The following MAP4 variants were observed in gnomAD, a reference collection of about 807,000 sequenced individuals.
MAP4 encodes the protein microtubule associated protein 4, also known as microtubule-associated protein 4.
Under a neutral mutation model 170.2 loss-of-function variants are expected in MAP4, and 76 were observed. The observed-to-expected ratio is 0.45, with a 90% confidence interval of 0.37 to 0.54. MAP4 has a LOEUF of 0.54. Ranked by LOEUF, MAP4 falls within the 20% of genes least tolerant of loss-of-function variation. The pLI is 0.00. For synonymous variants in MAP4, 909 were observed against 994.5 expected (o/e 0.91, Z 1.62); for missense variants, 2,506 against 2,748.0 (o/e 0.91, Z 1.97).
chr3:48,086,395 T>A (rs937504458), intron 1 of MAP4, among the ~76,000 whole-genome samples: 17 of 152,136 alleles, frequency 1.1e-4, no homozygotes, highest in African/African-American at 4.1e-4. Context: ...CCAGGGCACT[T>A]TGGGAGGCCA....
chr3:48,072,264 T>C (rs761600392), intron 1 of MAP4, among the ~76,000 whole-genome samples: 3 of 152,024 alleles, frequency 2.0e-5, no homozygotes, highest in Non-Finnish European at 4.4e-5. Flanking sequence ...TCCCAGCACT[T>C]TGGGAGGCCG....
At chr3:48,066,737 A>C (rs2100138395) in intron 1 of MAP4, among the ~76,000 whole-genome samples, 1 of 150,704 alleles carries the variant, frequency 6.6e-6, no homozygotes, top group South Asian at 2.1e-4. Flanking sequence ...TCTGAGAACC[A>C]ATCTCCCATG....
chr3:47,978,828 C>T (rs1429643010), intron 2 of MAP4, among the ~76,000 whole-genome samples: 2 of 147,220 alleles, frequency 1.4e-5, no homozygotes, highest in African/African-American at 2.5e-5. Flanking sequence ...ATGTGTTTCT[C>T]TGCCATCCCT....
intron 1 of MAP4, among the ~76,000 whole-genome samples, chr3:48,023,842 T>C (rs143200987): frequency 6.6e-6 from 1 of 152,134 alleles, no homozygotes; most frequent in African/African-American, 2.4e-5. Context: ...ACAAATATAC[T>C]CATCTGGGGA....
At chr3:47,989,444 T>C (rs987737744) in intron 2 of MAP4, among the ~76,000 whole-genome samples, 4 of 152,200 alleles carry the variant, frequency 2.6e-5, no homozygotes, top group African/African-American at 9.7e-5. Flanking sequence ...TAATTGTTAT[T>C]CTCACTGTTA....
chr3:47,871,163 CT>C, intron 14 of MAP4, 58 bp from the exon 15 acceptor site: 1 of 1,612,334 alleles, frequency 6.2e-7, no homozygotes, highest in Non-Finnish European at 8.5e-7. Flanking sequence ...AAAAGGGAGA[CT>C]TAAGCCACAG....
chr3:48,021,626 G>C (rs972318544), intron 1 of MAP4, among the ~76,000 whole-genome samples: 1 of 152,152 alleles, frequency 6.6e-6, no homozygotes, highest in Non-Finnish European at 1.5e-5. Flanking sequence ...GATTACAGGC[G>C]TGAGACACCA....
chr3:47,861,161 G>A (rs971913613), intron 17 of MAP4, among the ~76,000 whole-genome samples: 5 of 152,140 alleles, frequency 3.3e-5, no homozygotes, highest in African/African-American at 1.2e-4. Context: ...AGGAGTTCAA[G>A]ACCAGCCTGA....
Position 47,852,441 on chromosome 3 carries a change from G to A in MAP4, c.*493C>T, listed in dbSNP as rs183545574. On this transcript the variant is annotated 3_prime_UTR_variant, in exon 21 of 21. Transcript: ENST00000683076. The stretch of plus-strand genomic sequence containing the variant: ...CAGTGGCTTAAGCTCCACGGTCAGC[G>A]TCCTGTCACCACTCGGAATCCACCT... 4.0e-3 allele frequency: 1,016 copies of A among 254,714 alleles called. 2 individuals carry two copies. The highest frequency in any genetic ancestry group is 5.6e-3 in the Non-Finnish European group (747 of 132,824). 15.8% of individuals were successfully genotyped at this position (254,714 alleles called of 1,614,324 possible).
In MAP4 at chr3:47,867,349, A is replaced by G. The variant is rs770699205; in HGVS notation, c.6409-11T>C. The G allele has an allele frequency of 1.3e-6, 2 of 1,580,416 alleles. No homozygotes were observed. Among genetic ancestry groups the G allele is most frequent in the African/African-American group, 1.3e-5 (1 of 74,292 alleles). On this transcript the variant is annotated splice_polypyrimidine_tract_variant and intron_variant, in intron 16 of 20. Transcript: ENST00000683076. ...GGAGACTATCTGGACCTGGAGTGTT[A>G]GAAAATAGAAAAAACAACACAAAGG...
In MAP4 at chr3:47,998,869, A is replaced by AC. The variant is rs762970425; in HGVS notation, c.-10dup. Reference sequence around the variant, plus strand: ...AGACTGAGGTCAGCCATTCTGCACCACTGCAACTGCCTGGTGAAGAGGAAA... The same window carrying AC: ...AGACTGAGGTCAGCCATTCTGCACCACCTGCAACTGCCTGGTGAAGAGGAAA... On this transcript the variant is annotated 5_prime_UTR_variant, in exon 2 of 21. Transcript: ENST00000683076. The AC allele has an allele frequency of 6.3e-7, 1 of 1,588,716 alleles. No individual in the cohort carries two copies. Among genetic ancestry groups the AC allele is most frequent in the South Asian group, 1.1e-5 (1 of 90,506 alleles).
At chr3:48,075,583 T>C (rs531394980) in intron 1 of MAP4, among the ~76,000 whole-genome samples, 2 of 151,800 alleles carry the variant, frequency 1.3e-5, no homozygotes, top group South Asian at 2.1e-4. Flanking sequence ...ACTCAAAACA[T>C]GGATGCTAAG....
upstream of MAP4, among the ~76,000 whole-genome samples, chr3:48,018,802 C>CA (rs1213956273): frequency 2.6e-5 from 4 of 151,626 alleles, no homozygotes; most frequent in African/African-American, 9.7e-5. Context: ...GACTCTGTCT[C>CA]AAAAAAATAA....
intron 6 of MAP4, 73 bp downstream of exon 6, chr3:47,918,646 A>T: frequency 8.1e-7 from 1 of 1,233,620 alleles, no homozygotes; most frequent in South Asian, 1.3e-5. Flanking sequence ...CTGCTAAAAA[A>T]TACACCTGAT....
chr3:47,862,756 T>C (rs373970705), intron 17 of MAP4, among the ~76,000 whole-genome samples: 6 of 152,148 alleles, frequency 3.9e-5, no homozygotes, highest in Admixed American at 3.9e-4. Context: ...GGATTACAGG[T>C]GTGAGCCACC....
chr3:48,048,864 T>C (rs1394860357), intron 1 of MAP4, among the ~76,000 whole-genome samples: 1 of 152,166 alleles, frequency 6.6e-6, no homozygotes, highest in East Asian at 1.9e-4. Flanking sequence ...TAGATTTTTA[T>C]AACCACAACT....
rs897619070 is a variant in MAP4 at position 47,866,599 on chromosome 3, C to T, written c.6501+647G>A. Among the ~76,000 whole-genome samples, 5 of 151,600 alleles carry T rather than the reference C, an allele frequency of 3.3e-5. No individual in the cohort carries two copies. The East Asian group carries it at 9.8e-4, about 30-fold the overall frequency. Reference sequence around the variant, plus strand: ...TGAAATCCCGTCTCTACTAAAAATACAAAAATTAGCCGGGCATGGTGGCGA... The same window carrying T: ...TGAAATCCCGTCTCTACTAAAAATATAAAAATTAGCCGGGCATGGTGGCGA... On this transcript the variant is annotated intron_variant, in intron 17 of 20. Transcript: ENST00000683076.
chr3:47,926,624 T>C (rs1304587911), intron 4 of MAP4, among the ~76,000 whole-genome samples: 1 of 152,184 alleles, frequency 6.6e-6, no homozygotes, highest in African/African-American at 2.4e-5. Flanking sequence ...AGCTTTGAAG[T>C]GGCAGACTCA....
At chr3:47,919,597 C>T (rs1034356069) in intron 5 of MAP4, among the ~76,000 whole-genome samples, 3 of 152,120 alleles carry the variant, frequency 2.0e-5, no homozygotes, top group African/African-American at 4.8e-5. Context: ...TGTGAGACAC[C>T]GCGCCCGGCC....
Sources: allele counts gnomAD v4.1 joint callset (sites outside exome capture counted in the v4.1 genomes callset), GRCh38; gene constraint gnomAD v4.1.1; transcripts MANE v1.5; gene names NCBI Gene and HGNC (gene_info 2026-07-23, HGNC 2026-07-21).